Variants in SREBF2 observed in about 807,000 individuals in gnomAD.
SREBF2 encodes sterol regulatory element-binding protein 2.
In SREBF2, 55 loss-of-function variants were observed where a neutral mutation model predicts 113.1. That is an observed-to-expected ratio of 0.49 (90% confidence interval 0.39 to 0.61). The LOEUF is 0.61. Ranked by LOEUF, SREBF2 falls within the 20% of genes least tolerant of loss-of-function variation. SREBF2 has a pLI of 0.00. For missense variants in SREBF2, 1,349 were observed against 1,487.4 expected, an observed-to-expected ratio of 0.91 and a Z score of 1.53; for synonymous variants, 593 against 605.7, an observed-to-expected ratio of 0.98 and a Z score of 0.31.
At chr22:41,898,343 C>T (rs2077434220) in intron 14 of SREBF2, among the ~76,000 whole-genome samples, 1 of 152,190 alleles carries the variant, frequency 6.6e-6, no homozygotes, top group Non-Finnish European at 1.5e-5. Context: ...GTCTCAAACT[C>T]CTGACCTCAG....
chr22:41,900,763 G>C (rs2077458918), intron 16 of SREBF2, among the ~76,000 whole-genome samples: 1 of 152,202 alleles, frequency 6.6e-6, no homozygotes, highest in Non-Finnish European at 1.5e-5. Context: ...CATAGCCTCT[G>C]TAAGCCCAGG....
At chr22:41,846,926 G>A (rs1045442174) in intron 1 of SREBF2, among the ~76,000 whole-genome samples, 3 of 152,152 alleles carry the variant, frequency 2.0e-5, no homozygotes, top group African/African-American at 7.2e-5. Context: ...TGGGAGATGG[G>A]AAGAAAACGA....
intron 3 of SREBF2, among the ~76,000 whole-genome samples, chr22:41,870,211 C>T (rs2077126859): frequency 6.6e-6 from 1 of 152,208 alleles, no homozygotes; most frequent in African/African-American, 2.4e-5. Context: ...TTTTGCTTCT[C>T]AGCCATGTGT....
chr22:41,851,842 C>T (rs532274236), intron 1 of SREBF2, among the ~76,000 whole-genome samples: 2 of 151,472 alleles, frequency 1.3e-5, no homozygotes, highest in Admixed American at 6.6e-5. Context: ...ACAAAGCGGC[C>T]GGGCGCGGTG....
At chr22:41,855,947 G>A (rs1030950325) in intron 1 of SREBF2, among the ~76,000 whole-genome samples, 2 of 151,398 alleles carry the variant, frequency 1.3e-5, no homozygotes, top group African/African-American at 4.9e-5. Flanking sequence ...TAGAGAGATG[G>A]GGTCTCACTA....
chr22:41,864,919 C>G (rs1419841113), intron 1 of SREBF2, among the ~76,000 whole-genome samples: 1 of 152,046 alleles, frequency 6.6e-6, no homozygotes, highest in African/African-American at 2.4e-5. Flanking sequence ...CAACACTGCA[C>G]TCCAACCTGG....
At chr22:41,888,133 A>G (rs924826370) in intron 11 of SREBF2, among the ~76,000 whole-genome samples, 2 of 152,222 alleles carry the variant, frequency 1.3e-5, no homozygotes, top group East Asian at 3.8e-4. Context: ...ACAAGCTCTT[A>G]ATTTCAGTGA....
intron 1 of SREBF2, among the ~76,000 whole-genome samples, chr22:41,843,967 G>T (rs1335442485): frequency 1.4e-5 from 2 of 145,926 alleles, no homozygotes; most frequent in African/African-American, 5.1e-5. Context: ...AGTGAGTCAA[G>T]ATCACACCAC....
intron 1 of SREBF2, among the ~76,000 whole-genome samples, chr22:41,857,807 T>C (rs187060937): frequency 1.3e-5 from 2 of 152,288 alleles, no homozygotes; most frequent in Admixed American, 1.3e-4. Context: ...GAGTGATTTT[T>C]AGATAGCGGT....
rs894123708 is a variant in SREBF2, at chr22:41,875,734, T to G, written c.1386+10T>G. On this transcript the variant is annotated intron_variant, in intron 7 of 18. Coordinates refer to ENST00000361204, the MANE Select transcript of SREBF2 (RefSeq NM_004599.4). ...ATTGGATGATGCAAAGGTACAGACT[T>G]TTGAAATCTCCTGATCCCTGGAATC... The G allele has an allele frequency of 6.2e-7, 1 of 1,614,034 alleles. No individual in the cohort carries two copies. The highest frequency in any genetic ancestry group is 8.5e-7 in the Non-Finnish European group (1 of 1,179,958).
intron 1 of SREBF2, 35 bp from the exon 2 acceptor site, chr22:41,866,796 T>C: frequency 6.2e-7 from 1 of 1,611,258 alleles, no homozygotes; most frequent in African/African-American, 1.3e-5. Context: ...ACTTTTTGGA[T>C]AGCAATAAAA....
chr22:41,836,450 C>G (rs1602259156), intron 1 of SREBF2, among the ~76,000 whole-genome samples: 1 of 152,214 alleles, frequency 6.6e-6, no homozygotes, highest in Admixed American at 6.5e-5. Context: ...AAAGAGGTGG[C>G]TCTTGACCTG....
chr22:41,854,286 C>T (rs907140450), intron 1 of SREBF2, among the ~76,000 whole-genome samples: 8 of 151,246 alleles, frequency 5.3e-5, no homozygotes, highest in South Asian at 2.1e-4. Flanking sequence ...CTCAGCCTTC[C>T]GAGTAGCTGG....
intron 9 of SREBF2, chr22:41,878,836 T>C: frequency 1.0e-6 from 1 of 968,300 alleles, no homozygotes; most frequent in South Asian, 1.4e-5. Context: ...ATCCTGGATC[T>C]GTCAGCCTTG....
intron 1 of SREBF2, among the ~76,000 whole-genome samples, chr22:41,859,272 G>T (rs186869718): frequency 6.6e-6 from 1 of 152,324 alleles, no homozygotes; most frequent in Admixed American, 6.5e-5. Context: ...AGTGTCATTA[G>T]GTTACAGCTT....
intron 15 of SREBF2, chr22:41,899,957 A>G: frequency 1.9e-5 from 22 of 1,187,278 alleles, no homozygotes; most frequent in Non-Finnish European, 2.3e-5. Flanking sequence ...GTTTAATACC[A>G]CATCTCTGGG....
intron 15 of SREBF2, chr22:41,899,182 G>A (rs2077442713): frequency 1.8e-6 from 2 of 1,131,050 alleles, no homozygotes; most frequent in Non-Finnish European, 2.2e-6. Context: ...CAAAACTCAT[G>A]TGCACTGGAG....
intron 1 of SREBF2, among the ~76,000 whole-genome samples, chr22:41,847,968 T>C (rs1410446990): frequency 6.6e-6 from 1 of 150,492 alleles, no homozygotes; most frequent in Non-Finnish European, 1.5e-5. Context: ...CAGGCTGGAG[T>C]GCAGTGGCGC....
At position 41,873,844 on chromosome 22, in the gene SREBF2, T is replaced by C. The variant is rs1358433952; in HGVS notation, c.914T>C (p.Met305Thr). ...SGTILTTMPVMMGQEKVPIKQ... is the reference protein window; with the variant it reads ...SGTILTTMPVTMGQEKVPIKQ... ...ACCATTCTGACCACAATGCCTGTAA[T>C]GATGGGGCAAGAGAAAGTGCCCATT... Residue 305 changes from methionine (M) to threonine (T), a missense_variant, in exon 5 of 19, where the codon ATG becomes ACG. Met to Thr is a moderately conservative substitution (Grantham distance 81). Around this residue, in one of 2 missense-constraint regions of SREBF2, gnomAD observed 699 missense variants for 843.3 expected, o/e 0.83. Transcript: ENST00000361204. The C allele has an allele frequency of 5.0e-6, 8 of 1,612,898 alleles. No homozygotes were observed. Among genetic ancestry groups the C allele is most frequent in the Admixed American group, 1.7e-5 (1 of 59,788 alleles).
Sources: allele counts gnomAD v4.1 joint callset (sites outside exome capture counted in the v4.1 genomes callset), GRCh38; gene constraint gnomAD v4.1.1; regional missense constraint gnomAD v4.1.1; transcripts MANE v1.5; gene names NCBI Gene and HGNC (gene_info 2026-07-23, HGNC 2026-07-21).